CSMD1: variants seen among roughly 807,000 people sequenced by gnomAD.
CSMD1 encodes the protein CUB and sushi domain-containing protein 1.
Under a neutral mutation model 417.5 loss-of-function variants are expected in CSMD1, and 213 were observed. The observed-to-expected ratio is 0.51, with a 90% CI of 0.46 to 0.57. The LOEUF (loss-of-function observed/expected upper bound fraction) is 0.57. Among genes scored for constraint, CSMD1 ranks in the 20% least tolerant of loss-of-function variants. The probability of loss-of-function intolerance (pLI) is 0.00; values close to 1 mark genes in which losing one functional copy is unlikely to be tolerated. For synonymous variants in CSMD1, 2,862 were observed against 1,736.8 expected, an observed-to-expected ratio of 1.65 and a Z score of -16.11; for missense variants, 6,923 against 4,529.7, an observed-to-expected ratio of 1.53 and a Z score of -15.17.
chr8:4,119,671 C>T (rs1802369272), intron 3 of CSMD1, among the ~76,000 whole-genome samples: 1 of 152,150 alleles, frequency 6.6e-6, no homozygotes. Flanking sequence ...CACTTGCAAG[C>T]CAGGAAGAGA....
chr8:3,466,113 T>C (rs780716612), intron 12 of CSMD1, among the ~76,000 whole-genome samples: 1 of 152,208 alleles, frequency 6.6e-6, no homozygotes. Context: ...GAGCTCGCAT[T>C]TCTTAAGTTC....
intron 4 of CSMD1, among the ~76,000 whole-genome samples, chr8:4,030,030 A>T (rs899785260): frequency 6.6e-6 from 1 of 152,164 alleles, no homozygotes; most frequent in Admixed American, 6.5e-5. Flanking sequence ...GTGAGCTCCA[A>T]CAGTCTTGGG....
intron 11 of CSMD1, among the ~76,000 whole-genome samples, chr8:3,471,957 C>G (rs1817130253): frequency 6.6e-6 from 1 of 152,074 alleles, no homozygotes; most frequent in African/African-American, 2.4e-5. Flanking sequence ...TCCCTTCTCC[C>G]TTTGGGATTA....
At position 3,932,642 on chromosome 8, in the gene CSMD1, A is replaced by G. The variant is rs949714506; in HGVS notation, c.818+65261T>C. On this transcript the variant is annotated intron_variant, in intron 5 of 69. Coordinates refer to ENST00000635120, the MANE Select transcript of CSMD1 (RefSeq NM_033225.6). ...CCAAACATTTATATTGACATTTTGC[A>G]TGTTATTAGGGAATTCTCAAAAAGC... Among the ~76,000 whole-genome samples, 22 of 150,488 alleles carry G rather than the reference A, an allele frequency of 1.5e-4. 1 individual carries two copies. Among genetic ancestry groups the G allele is most frequent in the Non-Finnish European group, 2.7e-4 (18 of 67,554 alleles).
chr8:3,269,556 A>G (rs1801684793), intron 26 of CSMD1, among the ~76,000 whole-genome samples: 1 of 152,322 alleles, frequency 6.6e-6, no homozygotes, highest in African/African-American at 2.4e-5. Flanking sequence ...TAGCTGTTAC[A>G]TTACTACCAC....
chr8:4,730,928 G>A (rs930665163), intron 1 of CSMD1, among the ~76,000 whole-genome samples: 2 of 152,074 alleles, frequency 1.3e-5, no homozygotes, highest in African/African-American at 4.8e-5. Flanking sequence ...TCATTCCTGA[G>A]GCAACCAGGG....
intron 46 of CSMD1, among the ~76,000 whole-genome samples, chr8:3,104,948 C>G (rs959305861): frequency 1.3e-5 from 2 of 152,150 alleles, no homozygotes; most frequent in African/African-American, 2.4e-5. Flanking sequence ...TCAGGTGATC[C>G]ACCCACCTCG....
chr8:3,777,273 T>TGGTGCAC (rs1414166479), intron 5 of CSMD1, among the ~76,000 whole-genome samples: 2 of 152,040 alleles, frequency 1.3e-5, no homozygotes. Flanking sequence ...GATTTCTGCT[T>TGGTGCAC]GGTGCACAGT....
At chr8:3,553,630 A>G (rs931107475) in intron 10 of CSMD1, among the ~76,000 whole-genome samples, 9 of 152,226 alleles carry the variant, frequency 5.9e-5, no homozygotes, top group African/African-American at 2.2e-4. Flanking sequence ...TGCTAATGAC[A>G]GTAAAATCTT....
At chr8:3,232,443 A>G (rs1430541692) in intron 26 of CSMD1, among the ~76,000 whole-genome samples, 1 of 152,164 alleles carries the variant, frequency 6.6e-6, no homozygotes, top group Non-Finnish European at 1.5e-5. Context: ...TTATTGCTGT[A>G]TAGTTTTCCA....
At chr8:4,226,852 C>T (rs865774508) in intron 3 of CSMD1, among the ~76,000 whole-genome samples, 60 of 152,124 alleles carry the variant, frequency 3.9e-4, no homozygotes, top group African/African-American at 1.4e-3. Context: ...ATGTAGTCTC[C>T]CCCTGTCTTT....
chr8:4,085,000 G>C (rs1437983039), intron 3 of CSMD1, among the ~76,000 whole-genome samples: 1 of 150,250 alleles, frequency 6.7e-6, no homozygotes, highest in African/African-American at 2.4e-5. Flanking sequence ...GCGTGACAGG[G>C]AATTTAGATT....
At chr8:4,363,282 A>C (rs1230182828) in intron 3 of CSMD1, among the ~76,000 whole-genome samples, 2 of 152,184 alleles carry the variant, frequency 1.3e-5, no homozygotes, top group African/African-American at 4.8e-5. Flanking sequence ...GAGCCTTTTC[A>C]AAGTTTTTCC....
Position 3,772,362 on chromosome 8 carries a change from T to G in CSMD1, c.819-18320A>C. 1.8e-5 allele frequency among the ~76,000 whole-genome samples: 2 copies of G among 112,568 alleles called. 1 individual carries two copies. Among genetic ancestry groups the G allele is most frequent in the Non-Finnish European group, 3.9e-5 (2 of 51,922 alleles). The allele number at this position is 112,568 out of a possible 152,430, so 73.8% of individuals were successfully genotyped here. On this transcript the variant is annotated intron_variant, in intron 5 of 69. Transcript: ENST00000635120. ...ATACATATATACATATATTTATATATACATATATACATATATTCATATATT... is the reference window on the plus strand; with the variant it reads ...ATACATATATACATATATTTATATAGACATATATACATATATTCATATATT...
At chr8:4,612,160 C>A (rs1042499857) in intron 2 of CSMD1, among the ~76,000 whole-genome samples, 6 of 152,020 alleles carry the variant, frequency 3.9e-5, no homozygotes, top group East Asian at 1.9e-4. Context: ...CGGAGACGGT[C>A]GGTGGCTTGA....
intron 49 of CSMD1, among the ~76,000 whole-genome samples, chr8:3,082,650 A>G (rs1030169922): frequency 5.3e-5 from 8 of 152,204 alleles, no homozygotes; most frequent in Admixed American, 4.6e-4. Flanking sequence ...CTTCCTTAAT[A>G]CTTGTATGAG....
chr8:3,658,079 C>A (rs949345198), intron 7 of CSMD1, among the ~76,000 whole-genome samples: 1 of 152,144 alleles, frequency 6.6e-6, no homozygotes, highest in Admixed American at 6.5e-5. Context: ...GCATTCAGCA[C>A]TGATTATCAC....
intron 5 of CSMD1, among the ~76,000 whole-genome samples, chr8:3,833,648 G>A (rs1802497638): frequency 6.6e-6 from 1 of 152,002 alleles, no homozygotes; most frequent in Non-Finnish European, 1.5e-5. Flanking sequence ...ACAGGATGGT[G>A]TTTGTATGGG....
chr8:4,521,400 G>A (rs946219735), intron 2 of CSMD1, among the ~76,000 whole-genome samples: 1 of 152,020 alleles, frequency 6.6e-6, no homozygotes. Context: ...ACAAAACATC[G>A]ATAATAGCCT....
Sources: gnomAD v4.1 joint callset for allele counts (sites outside exome capture counted in the v4.1 genomes callset) on GRCh38, gnomAD v4.1.1 for gene constraint, MANE v1.5 for transcripts, NCBI Gene and HGNC (gene_info 2026-07-23, HGNC 2026-07-21) for gene names.